DNAH6: variants seen among roughly 807,000 people sequenced by gnomAD.
DNAH6 encodes axonemal beta dynein heavy chain 6.
Under a neutral mutation model 491.4 loss-of-function variants are expected in DNAH6, and 340 were observed. The ratio of observed to expected loss-of-function variants is 0.69; its 90% CI spans 0.63 to 0.76. The LOEUF is 0.76. Among genes scored for constraint, DNAH6 ranks in the 30% least tolerant of loss-of-function variants. DNAH6 has a pLI of 0.00. For missense variants in DNAH6, 4,443 were observed against 4,972.2 expected, an observed-to-expected ratio of 0.89 and a Z score of 3.20; for synonymous variants, 1,603 against 1,686.1, an observed-to-expected ratio of 0.95 and a Z score of 1.21.
At position 84,688,599 on chromosome 2, in the gene DNAH6, G is replaced by C; in HGVS notation, c.7292+6G>C. ...GCTATAGAACATGTTTCAAGGTATA[G>C]TGCTATAAGGCGCCCAATAATGCAT... On this transcript the variant is annotated splice_donor_region_variant and intron_variant, in intron 45 of 76. Transcript: ENST00000389394. The C allele has an allele frequency of 6.6e-7, 1 of 1,519,176 alleles. No individual in the cohort carries two copies. The highest frequency in any genetic ancestry group is 8.8e-7 in the Non-Finnish European group (1 of 1,138,626). 94.1% of individuals were successfully genotyped at this position (1,519,176 alleles called of 1,614,324 possible).
chr2:84,638,326 T>C (rs1689062384), intron 31 of DNAH6, among the ~76,000 whole-genome samples: 1 of 152,068 alleles, frequency 6.6e-6, no homozygotes, highest in Non-Finnish European at 1.5e-5. Context: ...TATACGTATT[T>C]TTCATGGCAC....
chr2:84,605,549 A>G lies in DNAH6; in HGVS notation c.3131A>G (p.Asp1044Gly), dbSNP rs1175144353. ...GAATTTGTCATTCTGCCTCACCGTG[A>G]CTCCAAAGATGTGTTTATACTGGGC... The part of the protein sequence containing the change: ...TTEFVILPHR[D>G]SKDVFILGGT... The change falls in exon 20 of 77, where the codon GAC becomes GGC. Residue 1044 changes from aspartate (D) to glycine (G), a missense_variant. Asp to Gly is a moderately conservative substitution (Grantham distance 94). This residue lies in a region of DNAH6 where 2,977 missense variants were observed against 3,296.6 expected (regional missense o/e 0.90). Transcript: ENST00000389394. The G allele has an allele frequency of 1.6e-5, 25 of 1,551,400 alleles. No homozygotes were observed. The Middle Eastern group carries it at 5.0e-4, about 31-fold the overall frequency.
At chr2:84,644,637 T>C (rs1402596221) in intron 33 of DNAH6, among the ~76,000 whole-genome samples, 1 of 152,130 alleles carries the variant, frequency 6.6e-6, no homozygotes, top group Non-Finnish European at 1.5e-5. Flanking sequence ...TTCCCCACCA[T>C]GTGTCCATGT....
intron 4 of DNAH6, among the ~76,000 whole-genome samples, chr2:84,535,425 C>A (rs17025211): frequency 0.024 from 3,590 of 151,864 alleles, 56 homozygotes; most frequent in Middle Eastern, 0.092. Flanking sequence ...TCAAATTAAC[C>A]AGTGGTGTCA....
chr2:84,573,598 C>A lies in DNAH6; in HGVS notation c.1924+11C>A. 2.6e-6 allele frequency: 4 copies of A among 1,546,670 alleles called. No individual in the cohort carries two copies. The highest frequency in any genetic ancestry group is 3.5e-6 in the Non-Finnish European group (4 of 1,157,640). On this transcript the variant is annotated intron_variant, in intron 12 of 76. Transcript: ENST00000389394. ...AACTTCAGGAACCTGGTAACTTGTC[C>A]ATTTGTACTTACTAATTATTTTTAT...
At chr2:84,559,757 C>T (rs141728936) in intron 11 of DNAH6, among the ~76,000 whole-genome samples, 250 of 152,192 alleles carry the variant, frequency 1.6e-3, no homozygotes, top group Non-Finnish European at 2.4e-3. Flanking sequence ...ACACTACACA[C>T]TGAAGTAAAT....
At chr2:84,469,729 C>T in the DNAH6 span, among the ~76,000 whole-genome samples, 2 of 152,122 alleles carry the variant, frequency 1.3e-5, no homozygotes, top group Non-Finnish European at 2.9e-5. The surrounding 1 kb of genome is among the most constrained non-coding windows in gnomAD (Gnocchi z 4.0). Context: ...GGAAAAAGCT[C>T]CCCATGCCCC....
the DNAH6 span, among the ~76,000 whole-genome samples, chr2:84,494,105 GT>G: frequency 6.6e-6 from 1 of 152,206 alleles, no homozygotes; most frequent in African/African-American, 2.4e-5. Flanking sequence ...GGGAAGGGCT[GT>G]CTTTGTGAAA....
chr2:84,464,814 T>C, the DNAH6 span, among the ~76,000 whole-genome samples: 1 of 152,144 alleles, frequency 6.6e-6, no homozygotes, highest in East Asian at 1.9e-4. Flanking sequence ...GCAAGGCCTT[T>C]ATGACCTGTA....
chr2:84,784,926 A>T, intron 66 of DNAH6, 116 bp downstream of exon 66: 1 of 700,540 alleles, frequency 1.4e-6, no homozygotes, highest in East Asian at 2.8e-5. Flanking sequence ...TGTGGCCAGC[A>T]TGGGGAGGTG....
intron 64 of DNAH6, among the ~76,000 whole-genome samples, chr2:84,767,191 A>G (rs1475846771): frequency 6.6e-6 from 1 of 152,210 alleles, no homozygotes; most frequent in Non-Finnish European, 1.5e-5. Flanking sequence ...AAAAATTGAG[A>G]AAATTGGCAG....
In DNAH6 at chr2:84,616,953, C is replaced by T. The variant is rs776336556; in HGVS notation, c.3543C>T (p.Tyr1181=). The change falls in exon 23 of 77, where the codon TAC becomes TAT. Residue 1181 remains tyrosine, a synonymous_variant. Coordinates refer to ENST00000389394, the MANE Select transcript of DNAH6 (RefSeq NM_001370.2). Reference sequence around the variant, plus strand: ...AAATTCAGAAGTGCCTAGAGGCATACTTAGAATCAAAAAGAGTTATCTTTC... The same window carrying T: ...AAATTCAGAAGTGCCTAGAGGCATATTTAGAATCAAAAAGAGTTATCTTTC... The part of the protein sequence containing the change: ...LDQIQKCLEA[Y]LESKRVIFPR... 1 of 1,497,224 alleles carries T rather than the reference C, an allele frequency of 6.7e-7. No individual in the cohort carries two copies. Among genetic ancestry groups the T allele is most frequent in the South Asian group, 1.4e-5 (1 of 71,468 alleles). The allele number at this position is 1,497,224 out of a possible 1,614,324, so 92.7% of individuals were successfully genotyped here.
intron 63 of DNAH6, among the ~76,000 whole-genome samples, chr2:84,746,286 AG>A (rs1239147673): frequency 6.6e-6 from 1 of 152,230 alleles, no homozygotes; most frequent in Non-Finnish European, 1.5e-5. Context: ...ATAAGAGGAA[AG>A]ATGGGCAAAA....
rs374813787 is a variant in DNAH6 at position 84,653,389 on chromosome 2, A to G, written c.5149A>G (p.Ile1717Val). The G allele has an allele frequency of 6.4e-7, 1 of 1,550,754 alleles. No individual in the cohort carries two copies. Among genetic ancestry groups the G allele is most frequent in the Non-Finnish European group, 8.7e-7 (1 of 1,146,498 alleles). ...EHDYGILQST[I>V]VDVMNRQNLQ... ...TGATTATGGTATTTTACAATCAACA[A>G]TTGTGGATGTCATGAATAGACAAAA... Residue 1717 changes from isoleucine to valine, a missense_variant, in exon 34 of 77, where the codon ATT (isoleucine) becomes GTT (valine). Coordinates refer to ENST00000389394, the MANE Select transcript of DNAH6 (RefSeq NM_001370.2).
rs1299425650 is a variant in DNAH6 at position 84,634,512 on chromosome 2, G to C, written c.4524G>C (p.Gly1508=). The change falls in exon 30 of 77, where the codon GGG becomes GGC. Residue 1508 remains glycine (G), a synonymous_variant. Coordinates refer to ENST00000389394, the MANE Select transcript of DNAH6 (RefSeq NM_001370.2). ...CTTTATTTTGATTTCAGATGATGGGGCGCTTCTTCAGTGGCTTGGCACAGT... is the reference window on the plus strand; with the variant it reads ...CTTTATTTTGATTTCAGATGATGGGCCGCTTCTTCAGTGGCTTGGCACAGT... ...CSDGLDYKMM[G]RFFSGLAQSG... 6.5e-7 allele frequency: 1 copy of C among 1,539,918 alleles called. No individual in the cohort carries two copies. The highest frequency in any genetic ancestry group is 8.7e-7 in the Non-Finnish European group (1 of 1,142,984).
chr2:84,605,550 C>T lies in DNAH6; in HGVS notation c.3132C>T (p.Asp1044=). Reference sequence around the variant, plus strand: ...AATTTGTCATTCTGCCTCACCGTGACTCCAAAGATGTGTTTATACTGGGCG... The same window carrying T: ...AATTTGTCATTCTGCCTCACCGTGATTCCAAAGATGTGTTTATACTGGGCG... ...TTEFVILPHR[D]SKDVFILGGT... is the part of the protein sequence containing the mutation. The change falls in exon 20 of 77, where the codon GAC becomes GAT. Residue 1044 remains aspartate (D), a synonymous_variant. Coordinates refer to ENST00000389394, the MANE Select transcript of DNAH6 (RefSeq NM_001370.2). 1 of 1,551,592 alleles carries T rather than the reference C, an allele frequency of 6.4e-7. No individual in the cohort carries two copies. Among genetic ancestry groups the T allele is most frequent in the Admixed American group, 2.0e-5 (1 of 50,990 alleles).
intron 62 of DNAH6, among the ~76,000 whole-genome samples, chr2:84,738,277 A>G (rs1386884495): frequency 6.6e-6 from 1 of 152,166 alleles, no homozygotes; most frequent in African/African-American, 2.4e-5. Context: ...CATGTGGTCA[A>G]TTTTAGAGTA....
chr2:84,596,622 C>T (rs1047260428), intron 18 of DNAH6, among the ~76,000 whole-genome samples: 7 of 150,762 alleles, frequency 4.6e-5, no homozygotes, highest in East Asian at 2.0e-4. Flanking sequence ...TGAGCCACTG[C>T]GCCTGGACAA....
intron 33 of DNAH6, 89 bp from the exon 34 acceptor site, chr2:84,653,229 TA>T (rs1573369262): frequency 1.8e-6 from 2 of 1,095,204 alleles, no homozygotes; most frequent in East Asian, 5.2e-5. Flanking sequence ...TGAGAAACAA[TA>T]AGACTCATAA....
Sources: gnomAD v4.1 joint callset for allele counts (sites outside exome capture counted in the v4.1 genomes callset) on GRCh38, gnomAD v4.1.1 for gene constraint, gnomAD v4.1.1 regional missense constraint, Gnocchi (gnomAD v3.1) non-coding constraint, MANE v1.5 for transcripts, NCBI Gene and HGNC (gene_info 2026-07-23, HGNC 2026-07-21) for gene names.